The following AMMECR1L variants were observed in gnomAD, a reference collection of about 807,000 sequenced individuals.
AMMECR1L encodes the protein AMMECR1-like protein.
AMMECR1L carries 4 observed loss-of-function variants against 36.8 expected under a neutral mutation model. The ratio of observed to expected loss-of-function variants is 0.11; its 90% CI spans 0.05 to 0.25. The LOEUF is 0.25. AMMECR1L is among the 10% of genes least tolerant of loss of function. The pLI is 1.00. For synonymous variants in AMMECR1L, 147 were observed against 148.0 expected (o/e 0.99, Z 0.05); for missense variants, 232 against 392.1 (o/e 0.59, Z 3.45).
In AMMECR1L at chr2:127,863,754, T is replaced by C. The variant is rs1690565695; in HGVS notation, c.*1340A>G. On this transcript the variant is annotated 3_prime_UTR_variant, in exon 8 of 8. Coordinates refer to ENST00000272647, the MANE Select transcript of AMMECR1L (RefSeq NM_001199140.2). Reference sequence around the variant, plus strand: ...TTTTAGCAGTGCCTTTGTAACAATATTTTCAAAGCATCTTCCAAGTCCCCT... The same window carrying C: ...TTTTAGCAGTGCCTTTGTAACAATACTTTCAAAGCATCTTCCAAGTCCCCT... The C allele has an allele frequency of 6.6e-6, 1 of 152,670 alleles. No homozygotes were observed. The highest frequency in any genetic ancestry group is 2.4e-5 in the African/African-American group (1 of 41,448). The allele number at this position is 152,670 out of a possible 1,614,324, so 9.5% of individuals were successfully genotyped here.
At chr2:127,885,775 G>A (rs1188041280) in intron 1 of AMMECR1L, 35 bp downstream of exon 1, 2 of 984,466 alleles carry the variant, frequency 2.0e-6, no homozygotes, top group East Asian at 2.3e-4. Flanking sequence ...GCCCGGCAGC[G>A]GGGAGAAGGG....
At chr2:127,872,708 G>A (rs1049077319) in intron 3 of AMMECR1L, among the ~76,000 whole-genome samples, 2 of 152,122 alleles carry the variant, frequency 1.3e-5, no homozygotes, top group African/African-American at 4.8e-5. Context: ...TTGCCTGCAG[G>A]ATGGAAATGC....
chr2:127,883,286 C>T (rs761573037), intron 2 of AMMECR1L, among the ~76,000 whole-genome samples: 1 of 151,886 alleles, frequency 6.6e-6, no homozygotes, highest in African/African-American at 2.4e-5. Flanking sequence ...TCAGTAGAGA[C>T]GGGGTTTCAC....
At chr2:127,870,725 T>G (rs1690927391) in intron 5 of AMMECR1L, 89 bp downstream of exon 5, 3 of 998,156 alleles carry the variant, frequency 3.0e-6, no homozygotes, top group Non-Finnish European at 4.4e-6. Flanking sequence ...CTTATACCCT[T>G]TCTCTCAATG....
chr2:127,879,605 G>T (rs931769588), intron 2 of AMMECR1L, among the ~76,000 whole-genome samples: 1 of 152,134 alleles, frequency 6.6e-6, no homozygotes, highest in Non-Finnish European at 1.5e-5. Flanking sequence ...GTAAACCAAG[G>T]TGCTGGTAAT....
At chr2:127,884,012 C>G (rs2104787401) in intron 2 of AMMECR1L, among the ~76,000 whole-genome samples, 191 bp downstream of exon 2, 1 of 152,288 alleles carries the variant, frequency 6.6e-6, no homozygotes, top group African/African-American at 2.4e-5. Flanking sequence ...GTATGAAAAA[C>G]AAACTTGCCT....
At chr2:127,880,719 C>G (rs1691456009) in intron 2 of AMMECR1L, among the ~76,000 whole-genome samples, 1 of 152,038 alleles carries the variant, frequency 6.6e-6, no homozygotes. Context: ...TGAGAGGCCG[C>G]AGGGCATCTG....
In AMMECR1L at chr2:127,863,262, G is replaced by A. The variant is rs796990696; in HGVS notation, c.*1832C>T. 4 of 151,660 alleles carry A rather than the reference G, an allele frequency of 2.6e-5. No individual in the cohort carries two copies. The highest frequency in any genetic ancestry group is 3.5e-3 in the Middle Eastern group (1 of 286). 9.4% of individuals were successfully genotyped at this position (151,660 alleles called of 1,614,324 possible). A position where few individuals can be genotyped will look rare whatever the true frequency, so the allele number is the denominator to read the frequency against. The stretch of plus-strand genomic sequence containing the variant: ...TCTCAGCAGCAGGAAATCACGAAAC[G>A]ACCCCTCCATCTTCATTTACATTGC... On this transcript the variant is annotated 3_prime_UTR_variant, in exon 8 of 8. Transcript: ENST00000272647.
In AMMECR1L at chr2:127,861,816, A is replaced by G. The variant is rs1285578825; in HGVS notation, c.*3278T>C. 1 of 152,310 alleles carries G rather than the reference A, an allele frequency of 6.6e-6. No homozygotes were observed. Among genetic ancestry groups the G allele is most frequent in the African/African-American group, 2.4e-5 (1 of 41,472 alleles). The allele number at this position is 152,310 out of a possible 1,614,324, so 9.4% of individuals were successfully genotyped here. A position where few individuals can be genotyped will look rare whatever the true frequency, so the allele number is the denominator to read the frequency against. On this transcript the variant is annotated 3_prime_UTR_variant, in exon 8 of 8. Transcript: ENST00000272647. ...AACGAAATGAACAAAAAGAACACAT[A>G]GCTCCCTAGGCTCCAGAATCTCAAT...
chr2:127,883,817 G>A, intron 2 of AMMECR1L, among the ~76,000 whole-genome samples: 1 of 152,148 alleles, frequency 6.6e-6, no homozygotes, highest in Admixed American at 6.5e-5. Flanking sequence ...CTATAGAAAA[G>A]AGAACCAATA....
Position 127,865,181 on chromosome 2 carries a change from G to T in AMMECR1L, c.846C>A (p.Ile282=). The T allele has an allele frequency of 6.2e-7, 1 of 1,613,028 alleles. No homozygotes were observed. The highest frequency in any genetic ancestry group is 8.5e-7 in the Non-Finnish European group (1 of 1,179,524). ...LTRYRSEKVT[I]SYAEYIASRQ... ...GGGAAGCAATATACTCTGCGTAACT[G>T]ATTGTCACCTTCTCACTTCGGTACC... The change falls in exon 8 of 8, where the codon ATC becomes ATA. Residue 282 remains isoleucine, a synonymous_variant. Coordinates refer to ENST00000272647, the MANE Select transcript of AMMECR1L (RefSeq NM_001199140.2). This position sits in a 1 kb window ranked among gnomAD's most constrained non-coding sequence, Gnocchi z 5.4.
At chr2:127,879,971 TGTGAGC>T (rs1403435656) in intron 2 of AMMECR1L, among the ~76,000 whole-genome samples, 1 of 152,230 alleles carries the variant, frequency 6.6e-6, no homozygotes, top group Non-Finnish European at 1.5e-5. Flanking sequence ...AGGATGGTAC[TGTGAGC>T]ATAGTACAAA....
chr2:127,862,212 C>A lies in AMMECR1L; in HGVS notation c.*2882G>T, dbSNP rs1312465279. 1 of 153,752 alleles carries A rather than the reference C, an allele frequency of 6.5e-6. No individual in the cohort carries two copies. Among genetic ancestry groups the A allele is most frequent in the Non-Finnish European group, 1.5e-5 (1 of 68,046 alleles). 9.5% of individuals were successfully genotyped at this position (153,752 alleles called of 1,614,324 possible). A position where few individuals can be genotyped will look rare whatever the true frequency, so the allele number is the denominator to read the frequency against. On this transcript the variant is annotated 3_prime_UTR_variant, in exon 8 of 8. Transcript: ENST00000272647. ...TTTCCAGACCAAAAGGCACTCACAG[C>A]TAGGGATGAAACGAACTCCGAACCA...
At chr2:127,880,322 G>A (rs1341569718) in intron 2 of AMMECR1L, among the ~76,000 whole-genome samples, 1 of 151,966 alleles carries the variant, frequency 6.6e-6, no homozygotes, top group African/African-American at 2.4e-5. Context: ...ATAAGAATAA[G>A]CTAGTTAAAA....
chr2:127,879,305 A>T (rs1691387137), intron 2 of AMMECR1L, among the ~76,000 whole-genome samples: 1 of 152,184 alleles, frequency 6.6e-6, no homozygotes, highest in Admixed American at 6.5e-5. Context: ...CACTCCTGAT[A>T]GTGATGACAG....
At chr2:127,883,897 T>C (rs1691633979) in intron 2 of AMMECR1L, among the ~76,000 whole-genome samples, 1 of 152,186 alleles carries the variant, frequency 6.6e-6, no homozygotes, top group South Asian at 2.1e-4. Flanking sequence ...ACCTCTTTGG[T>C]TGTATTGAGA....
chr2:127,874,411 C>A lies in AMMECR1L; in HGVS notation c.-38-139G>T, dbSNP rs1691131359. ...CCCACTCAACCTCCAGGTCACAGAC[C>A]AGGAGAAGAAACCCCTAACCTTTTC... is the stretch of plus-strand genomic sequence containing the variant. On this transcript the variant is annotated intron_variant, in intron 2 of 7. Transcript: ENST00000272647. This position sits in a 1 kb window ranked among gnomAD's most constrained non-coding sequence, Gnocchi z 5.2. 1 of 799,450 alleles carries A rather than the reference C, an allele frequency of 1.3e-6. No homozygotes were observed. The highest frequency in any genetic ancestry group is 1.7e-5 in the African/African-American group (1 of 57,242). The allele number at this position is 799,450 out of a possible 1,614,324, so 49.5% of individuals were successfully genotyped here.
At chr2:127,881,520 G>A (rs772107268) in intron 2 of AMMECR1L, among the ~76,000 whole-genome samples, 40 of 152,226 alleles carry the variant, frequency 2.6e-4, no homozygotes, top group Non-Finnish European at 4.7e-4. Flanking sequence ...CAGATCCCAA[G>A]TCTGACTTGC....
chr2:127,872,171 A>G (rs1691005443), intron 3 of AMMECR1L, among the ~76,000 whole-genome samples: 1 of 148,994 alleles, frequency 6.7e-6, no homozygotes, highest in African/African-American at 2.5e-5. Context: ...CCTCGACAAG[A>G]CTGAGACTCT....
Sources: gnomAD v4.1 joint callset for allele counts (sites outside exome capture counted in the v4.1 genomes callset) on GRCh38, gnomAD v4.1.1 for gene constraint, Gnocchi (gnomAD v3.1) non-coding constraint, MANE v1.5 for transcripts, NCBI Gene and HGNC (gene_info 2026-07-23, HGNC 2026-07-21) for gene names.